The following INPP5D variants were observed in gnomAD, a reference collection of about 807,000 sequenced individuals.
The protein encoded by INPP5D is inositol polyphosphate-5-phosphatase D.
In INPP5D, 33 loss-of-function variants were observed where a neutral mutation model predicts 122.9. That is an observed-to-expected ratio of 0.27 (90% CI 0.20 to 0.36). The LOEUF is 0.36. Ranked by LOEUF, INPP5D falls within the 10% of genes least tolerant of loss-of-function variation. INPP5D has a pLI of 1.00. For missense variants in INPP5D, 1,053 were observed against 1,412.7 expected, an observed-to-expected ratio of 0.75 and a Z score of 4.08; for synonymous variants, 584 against 576.2, an observed-to-expected ratio of 1.01 and a Z score of -0.19.
intron 18 of INPP5D, among the ~76,000 whole-genome samples, chr2:233,179,588 G>T (rs1276485204): frequency 6.6e-6 from 1 of 152,202 alleles, no homozygotes; most frequent in Non-Finnish European, 1.5e-5. Flanking sequence ...TGAGGGTTGG[G>T]GAGGAAAACA....
chr2:233,071,134 T>A (rs779749744), intron 1 of INPP5D, among the ~76,000 whole-genome samples: 5 of 151,576 alleles, frequency 3.3e-5, no homozygotes, highest in Non-Finnish European at 7.4e-5. Flanking sequence ...AAAATAAAAA[T>A]AAAAATTAGC....
chr2:233,175,604 T>C (rs1329462944), intron 17 of INPP5D, among the ~76,000 whole-genome samples: 3 of 152,186 alleles, frequency 2.0e-5, no homozygotes, highest in Admixed American at 2.0e-4. Context: ...TTATGGTTAG[T>C]ACACTTTATG....
chr2:233,137,847 A>T lies in INPP5D; in HGVS notation c.666-1995A>T, dbSNP rs1559313101. Among the ~76,000 whole-genome samples the T allele has an allele frequency of 4.4e-4, 7 of 15,920 alleles. 2 individuals are homozygous for T. The highest frequency in any genetic ancestry group is 8.3e-4 in the African/African-American group (5 of 6,026). The allele number at this position is 15,920 out of a possible 152,430, so 10.4% of individuals were successfully genotyped here. A position where few individuals can be genotyped will look rare whatever the true frequency, so the allele number is the denominator to read the frequency against. On this transcript the variant is annotated intron_variant, in intron 5 of 26. Coordinates refer to ENST00000445964, the MANE Select transcript of INPP5D (RefSeq NM_001017915.3). ...AACTCCATCACAAAAAAAAAAAAAA[A>T]AAAAAAATATATATATATATATATA...
At chr2:233,161,920 T>C (rs1026629175) in intron 11 of INPP5D, 94 bp downstream of exon 11, 5 of 1,493,242 alleles carry the variant, frequency 3.3e-6, no homozygotes, top group Non-Finnish European at 4.5e-6. Flanking sequence ...ACGACATCCA[T>C]GTCCCCTTCC....
intron 3 of INPP5D, among the ~76,000 whole-genome samples, chr2:233,124,113 G>GC (rs990683439): frequency 6.9e-6 from 1 of 144,106 alleles, no homozygotes; most frequent in Non-Finnish European, 1.5e-5. Context: ...TAAAATACAA[G>GC]TTTTTTTTTT....
In INPP5D at chr2:233,169,157, C is replaced by T. The variant is rs1395266242; in HGVS notation, c.1556-148C>T. 5.5e-5 allele frequency: 64 copies of T among 1,161,676 alleles called. 1 individual carries two copies. Among genetic ancestry groups the T allele is most frequent in the South Asian group, 1.8e-4 (12 of 65,032 alleles). 72.0% of individuals were successfully genotyped at this position (1,161,676 alleles called of 1,614,324 possible). ...TTCTCATCTCCCGCTCTCTGCCCAGCGGCTCCCACCCTGCACGACCCTGTT... is the reference window on the plus strand; with the variant it reads ...TTCTCATCTCCCGCTCTCTGCCCAGTGGCTCCCACCCTGCACGACCCTGTT... On this transcript the variant is annotated intron_variant, in intron 13 of 26. Coordinates refer to ENST00000445964, the MANE Select transcript of INPP5D (RefSeq NM_001017915.3).
intron 3 of INPP5D, among the ~76,000 whole-genome samples, chr2:233,125,393 G>A (rs1159565732): frequency 6.6e-6 from 1 of 152,196 alleles, no homozygotes; most frequent in African/African-American, 2.4e-5. Context: ...TCATGAGACA[G>A]GTGTCTCAGC....
intron 2 of INPP5D, among the ~76,000 whole-genome samples, chr2:233,081,314 T>C (rs1395465186): frequency 2.6e-5 from 4 of 152,168 alleles, no homozygotes; most frequent in African/African-American, 9.7e-5. Flanking sequence ...TGAGCTTTTC[T>C]GGCAGAGTTG....
intron 14 of INPP5D, 34 bp from the exon 15 acceptor site, chr2:233,169,992 C>T (rs1263726247): frequency 6.2e-7 from 1 of 1,613,454 alleles, no homozygotes; most frequent in Non-Finnish European, 8.5e-7. Context: ...AACCAGTGAC[C>T]CCGTGCTAGA....
At chr2:233,064,388 T>C (rs554567109) in intron 1 of INPP5D, among the ~76,000 whole-genome samples, 37 of 152,344 alleles carry the variant, frequency 2.4e-4, no homozygotes, top group Admixed American at 2.2e-3. Context: ...TGGCAGGGTC[T>C]TGCTTACCCC....
chr2:233,154,780 T>TG (rs1242993905), intron 9 of INPP5D, among the ~76,000 whole-genome samples: 1 of 152,218 alleles, frequency 6.6e-6, no homozygotes, highest in Non-Finnish European at 1.5e-5. Context: ...CACGGAGGTT[T>TG]GGGGAGTTCC....
At chr2:233,112,480 C>T (rs1023851196) in intron 2 of INPP5D, among the ~76,000 whole-genome samples, 20 of 152,086 alleles carry the variant, frequency 1.3e-4, no homozygotes, top group African/African-American at 2.4e-4. Context: ...TTCTTGGCCT[C>T]GATTCAAAGG....
chr2:233,146,938 A>G (rs1347498313), intron 8 of INPP5D, among the ~76,000 whole-genome samples: 1 of 151,410 alleles, frequency 6.6e-6, no homozygotes, highest in Non-Finnish European at 1.5e-5. Context: ...TGAGACCCGC[A>G]CCCCCTCCGC....
intron 19 of INPP5D, among the ~76,000 whole-genome samples, 159 bp downstream of exon 19, chr2:233,182,658 AC>A (rs1694813659): frequency 6.6e-6 from 1 of 152,190 alleles, no homozygotes. Context: ...CAGCCACAGC[AC>A]AATTGCAGTC....
chr2:233,195,363 G>A, intron 23 of INPP5D, 36 bp from the exon 24 acceptor site: 1 of 1,613,300 alleles, frequency 6.2e-7, no homozygotes, highest in East Asian at 2.2e-5. Flanking sequence ...TGGAAGCTGG[G>A]CCCTCACATG....
chr2:233,080,129 C>G (rs1223779262), intron 2 of INPP5D, among the ~76,000 whole-genome samples: 12 of 152,074 alleles, frequency 7.9e-5, no homozygotes, highest in Admixed American at 7.9e-4. Context: ...GGGGTTTCTC[C>G]ATGTTGGCCA....
chr2:233,077,379 G>C (rs1244779265), intron 1 of INPP5D, among the ~76,000 whole-genome samples: 1 of 152,054 alleles, frequency 6.6e-6, no homozygotes, highest in Non-Finnish European at 1.5e-5. Context: ...AGTTAAACAG[G>C]GTCAAGTGCA....
chr2:233,198,526 C>A, intron 25 of INPP5D, 150 bp downstream of exon 25: 1 of 1,277,482 alleles, frequency 7.8e-7, no homozygotes, highest in Non-Finnish European at 1.0e-6. Context: ...ACACAGCAGG[C>A]CCCTGACATG....
intron 23 of INPP5D, among the ~76,000 whole-genome samples, chr2:233,194,778 G>A (rs1209387913): frequency 2.6e-5 from 4 of 151,018 alleles, no homozygotes; most frequent in South Asian, 2.1e-4. Context: ...GATTACAGAC[G>A]TGACCACTGC....
Sources: allele counts gnomAD v4.1 joint callset (sites outside exome capture counted in the v4.1 genomes callset), GRCh38; gene constraint gnomAD v4.1.1; transcripts MANE v1.5; gene names NCBI Gene and HGNC (gene_info 2026-07-23, HGNC 2026-07-21).